The following CAMSAP2 variants were observed in gnomAD, a reference collection of about 807,000 sequenced individuals.
CAMSAP2 encodes the protein calmodulin regulated spectrin associated protein family member 2.
In CAMSAP2, 26 loss-of-function variants were observed where a neutral mutation model predicts 146.1. The observed-to-expected ratio is 0.18, with a 90% confidence interval of 0.13 to 0.25. CAMSAP2 has a LOEUF of 0.25. CAMSAP2 is among the 10% of genes least tolerant of loss of function. The probability of loss-of-function intolerance (pLI) is 1.00; values close to 1 mark genes in which losing one functional copy is unlikely to be tolerated. For missense variants in CAMSAP2, 1,381 were observed against 1,759.3 expected (o/e 0.78, Z 3.85); for synonymous variants, 499 against 596.6 (o/e 0.84, Z 2.38).
rs771206547 is a variant in CAMSAP2 at position 200,858,073 on chromosome 1, C to T, written c.*14C>T. ...ACTAAGGCATAGAAGTTGGGAAATA[C>T]TTGCTTCAGAACATTCATGGTAAAT... On this transcript the variant is annotated 3_prime_UTR_variant, in exon 17 of 17. Coordinates refer to ENST00000358823, the MANE Select transcript of CAMSAP2 (RefSeq NM_203459.4). The T allele has an allele frequency of 6.5e-7, 1 of 1,543,728 alleles. No homozygotes were observed.
At chr1:200,758,432 A>G (rs548270401) in intron 1 of CAMSAP2, among the ~76,000 whole-genome samples, 10 of 152,366 alleles carry the variant, frequency 6.6e-5, no homozygotes, top group African/African-American at 2.4e-4. Context: ...TACCAGCACT[A>G]TATTCTGCAA....
rs190091578 is a variant in CAMSAP2, at chr1:200,810,749, C to T, written c.561+3212C>T. 3.4e-3 allele frequency among the ~76,000 whole-genome samples: 494 copies of T among 146,734 alleles called. 2 individuals carry two copies. The highest frequency in any genetic ancestry group is 5.4e-3 in the Non-Finnish European group (359 of 66,430). On this transcript the variant is annotated intron_variant, in intron 3 of 16. Transcript: ENST00000358823. ...ACTAAAAATACAGAAATTAGCTGGG[C>T]GTGGTGGCACGCGCCTGTAGTCCCA...
At chr1:200,750,920 T>TTC (rs1664486717) in intron 1 of CAMSAP2, among the ~76,000 whole-genome samples, 1 of 81,350 alleles carries the variant, frequency 1.2e-5, no homozygotes, top group African/African-American at 4.2e-5. Flanking sequence ...TTTTTTTTTT[T>TTC]GAGACAGGAG....
intron 2 of CAMSAP2, among the ~76,000 whole-genome samples, chr1:200,761,808 G>A (rs908753941): frequency 2.6e-5 from 4 of 151,498 alleles, no homozygotes; most frequent in South Asian, 2.1e-4. Flanking sequence ...AGATATTTTC[G>A]TTTATTTGAT....
At chr1:200,814,079 G>A (rs1372902162) in intron 3 of CAMSAP2, among the ~76,000 whole-genome samples, 1 of 131,158 alleles carries the variant, frequency 7.6e-6, no homozygotes, top group East Asian at 2.5e-4. Flanking sequence ...CTGCACTCCA[G>A]CCTGGCTGAC....
chr1:200,778,959 C>A (rs1437308607), intron 2 of CAMSAP2, among the ~76,000 whole-genome samples: 1 of 152,122 alleles, frequency 6.6e-6, no homozygotes, highest in South Asian at 2.1e-4. Flanking sequence ...TGAGGCCAAT[C>A]AGATTCTTTG....
rs979423075 is a variant in CAMSAP2 at position 200,815,604 on chromosome 1, T to G, written c.605T>G (p.Leu202Arg). The G allele has an allele frequency of 6.3e-6, 10 of 1,576,982 alleles. No individual in the cohort carries two copies. The highest frequency in any genetic ancestry group is 8.6e-6 in the Non-Finnish European group (10 of 1,164,182). ...GACATAATGGAACAAGAACAAAAAC[T>G]GAAAGAACATCACACAGTTGAAGCT... is the stretch of plus-strand genomic sequence containing the variant. ...LKDIMEQEQK[L>R]KEHHTVEAPG... Residue 202 changes from leucine to arginine, a missense_variant, in exon 4 of 17, where the codon CTG becomes CGG. This residue lies in a region of CAMSAP2 where 284 missense variants were observed against 406.9 expected (regional missense o/e 0.70). Coordinates refer to ENST00000358823, the MANE Select transcript of CAMSAP2 (RefSeq NM_203459.4).
intron 11 of CAMSAP2, among the ~76,000 whole-genome samples, chr1:200,851,124 C>CAACT (rs1667607886): frequency 6.6e-6 from 1 of 152,130 alleles, no homozygotes; most frequent in Non-Finnish European, 1.5e-5. Context: ...CCGGAGTTTT[C>CAACT]AACTGTTTTG....
intron 15 of CAMSAP2, 43 bp downstream of exon 15, chr1:200,856,168 C>G: frequency 7.0e-7 from 1 of 1,425,682 alleles, no homozygotes; most frequent in Non-Finnish European, 9.8e-7. Flanking sequence ...GAATTTAACA[C>G]ACTCATAAAT....
chr1:200,743,597 AAAG>A (rs1355489593), intron 1 of CAMSAP2, among the ~76,000 whole-genome samples: 12 of 152,234 alleles, frequency 7.9e-5, no homozygotes, highest in South Asian at 6.2e-4. Context: ...GAAAAAAAAA[AAAG>A]AAGTTCATGA....
intron 2 of CAMSAP2, among the ~76,000 whole-genome samples, chr1:200,784,603 A>G (rs944412747): frequency 3.9e-5 from 6 of 152,014 alleles, no homozygotes; most frequent in African/African-American, 1.5e-4. Flanking sequence ...CATTTTTTTT[A>G]TCCTGTGACC....
chr1:200,853,471 A>G lies in CAMSAP2; in HGVS notation c.3799A>G (p.Lys1267Glu). Reference sequence around the variant, plus strand: ...TCACAGAGATCATATTGAATCCCCCAAAACACCAATAAAGGGTCCTCCAGG... The same window carrying G: ...TCACAGAGATCATATTGAATCCCCCGAAACACCAATAAAGGGTCCTCCAGG... ...SIHRDHIESP[K>E]TPIKGPPVSS... Residue 1267 changes from lysine to glutamate, a missense_variant, in exon 13 of 17, where the codon AAA becomes GAA. Lys to Glu is a moderately conservative substitution (Grantham distance 56). Transcript: ENST00000358823. This position sits in a 1 kb window ranked among gnomAD's most constrained non-coding sequence, Gnocchi z 5.1. 2 of 1,613,398 alleles carry G rather than the reference A, an allele frequency of 1.2e-6. No individual in the cohort carries two copies. Among genetic ancestry groups the G allele is most frequent in the Non-Finnish European group, 1.7e-6 (2 of 1,179,660 alleles).
At chr1:200,789,776 C>A (rs1272238682) in intron 2 of CAMSAP2, among the ~76,000 whole-genome samples, 1 of 149,038 alleles carries the variant, frequency 6.7e-6, no homozygotes, top group Non-Finnish European at 1.5e-5. Context: ...GATACTGAGT[C>A]TTTTTATCCA....
chr1:200,837,842 A>G (rs1667222703), intron 6 of CAMSAP2, among the ~76,000 whole-genome samples: 1 of 152,038 alleles, frequency 6.6e-6, no homozygotes, highest in African/African-American at 2.4e-5. Flanking sequence ...CCAGTTGTGA[A>G]TGGGATTGCA....
At chr1:200,781,637 G>C (rs1231011506) in intron 2 of CAMSAP2, among the ~76,000 whole-genome samples, 2 of 151,984 alleles carry the variant, frequency 1.3e-5, no homozygotes, top group African/African-American at 2.4e-5. Flanking sequence ...AACCTCCCGG[G>C]CTCAGGTGAT....
chr1:200,837,276 A>C (rs776500356), intron 6 of CAMSAP2, among the ~76,000 whole-genome samples: 2 of 152,138 alleles, frequency 1.3e-5, no homozygotes, highest in African/African-American at 2.4e-5. Context: ...ATATAGTGTA[A>C]GGAAAGTGTC....
chr1:200,820,940 G>A, intron 4 of CAMSAP2, among the ~76,000 whole-genome samples: 1 of 152,062 alleles, frequency 6.6e-6, no homozygotes, highest in East Asian at 1.9e-4. Context: ...TTGTACTTAA[G>A]TTGTCTATTT....
intron 2 of CAMSAP2, among the ~76,000 whole-genome samples, chr1:200,772,068 A>G (rs763134838): frequency 5.3e-5 from 8 of 152,198 alleles, no homozygotes; most frequent in Non-Finnish European, 1.2e-4. Flanking sequence ...TAGAGCTGAA[A>G]GAGATCCTAG....
chr1:200,809,620 A>G (rs1427697479), intron 3 of CAMSAP2, among the ~76,000 whole-genome samples: 5 of 152,134 alleles, frequency 3.3e-5, no homozygotes, highest in Admixed American at 6.5e-5. Flanking sequence ...AATCCCAGCT[A>G]CTCAGGAGGC....
Sources: allele counts gnomAD v4.1 joint callset (sites outside exome capture counted in the v4.1 genomes callset), GRCh38; gene constraint gnomAD v4.1.1; regional missense constraint gnomAD v4.1.1; non-coding constraint Gnocchi (gnomAD v3.1); transcripts MANE v1.5; gene names NCBI Gene and HGNC (gene_info 2026-07-23, HGNC 2026-07-21).